Variants in ACOXL observed in about 807,000 individuals in gnomAD.
The protein encoded by ACOXL is acyl-CoA oxidase like.
Under a neutral mutation model 71.9 loss-of-function variants are expected in ACOXL, and 70 were observed. That is an observed-to-expected ratio of 0.97 (90% CI 0.80 to 1.19). The LOEUF (loss-of-function observed/expected upper bound fraction) is 1.19. ACOXL is among the 50% of genes most tolerant of loss of function. ACOXL has a pLI of 0.00. For missense variants in ACOXL, 703 were observed against 736.3 expected (o/e 0.95, Z 0.52); for synonymous variants, 253 against 281.6 (o/e 0.90, Z 1.02).
intron 12 of ACOXL, among the ~76,000 whole-genome samples, chr2:110,941,674 G>T (rs915981538): frequency 6.6e-6 from 1 of 152,056 alleles, no homozygotes; most frequent in African/African-American, 2.4e-5. Context: ...CATCTTTAAA[G>T]TACTAAAAGG....
intron 14 of ACOXL, among the ~76,000 whole-genome samples, chr2:111,020,576 T>C (rs1165968628): frequency 2.6e-5 from 4 of 152,200 alleles, no homozygotes; most frequent in African/African-American, 7.2e-5. Context: ...GCCGTGTGTG[T>C]GTGCACATGT....
rs540598496 is a variant in ACOXL, at chr2:110,827,082, T to C, written c.754-14289T>C. On this transcript the variant is annotated intron_variant, in intron 9 of 17. Coordinates refer to ENST00000439055, the MANE Select transcript of ACOXL (RefSeq NM_001142807.4). Reference sequence around the variant, plus strand: ...TGCACAGACAACTGCATAACCACATTAAAGAAGAGAAATGAAAGAAATACA... The same window carrying C: ...TGCACAGACAACTGCATAACCACATCAAAGAAGAGAAATGAAAGAAATACA... Among the ~76,000 whole-genome samples, 5 of 152,204 alleles carry C rather than the reference T, an allele frequency of 3.3e-5. No homozygotes were observed. The South Asian group carries it at 1.0e-3, about 32-fold the overall frequency.
intron 11 of ACOXL, among the ~76,000 whole-genome samples, chr2:110,913,252 G>A (rs2059710816): frequency 6.6e-6 from 1 of 152,080 alleles, no homozygotes; most frequent in Admixed American, 6.6e-5. Flanking sequence ...CTACTCCTAG[G>A]TATATACCCC....
intron 14 of ACOXL, among the ~76,000 whole-genome samples, chr2:111,015,978 G>T (rs1164097152): frequency 6.6e-6 from 1 of 152,172 alleles, no homozygotes; most frequent in Non-Finnish European, 1.5e-5. Context: ...TGTTGCCCAG[G>T]CTGGAGTGCA....
In ACOXL at chr2:110,912,722, C is replaced by T. The variant is rs139505413; in HGVS notation, c.905+3817C>T. ...GGTTTCTTAGATAGAATACCAAAAG[C>T]ACAATTACAAAAGAAAAAAGTGTAT... On this transcript the variant is annotated intron_variant, in intron 11 of 17. Transcript: ENST00000439055. 2.6e-3 allele frequency among the ~76,000 whole-genome samples: 395 copies of T among 152,006 alleles called. 1 individual carries two copies. Among genetic ancestry groups the T allele is most frequent in the Middle Eastern group, 6.8e-3 (2 of 294 alleles).
At chr2:110,949,980 C>T (rs566243017) in intron 12 of ACOXL, among the ~76,000 whole-genome samples, 1 of 152,176 alleles carries the variant, frequency 6.6e-6, no homozygotes, top group African/African-American at 2.4e-5. Context: ...TACACTTAAC[C>T]CTCATTTAAC....
intron 13 of ACOXL, among the ~76,000 whole-genome samples, chr2:110,991,693 CT>C (rs1189754346): frequency 1.3e-5 from 2 of 151,384 alleles, no homozygotes; most frequent in African/African-American, 4.9e-5. Context: ...TTTTTTTTTC[CT>C]TTTTTTATTG....
chr2:111,117,569 G>A, intron 17 of ACOXL, 47 bp from the exon 18 acceptor site: 1 of 1,543,314 alleles, frequency 6.5e-7, no homozygotes, highest in Admixed American at 2.0e-5. Flanking sequence ...CTAGATGGCT[G>A]TAAGTGTGCC....
chr2:111,118,512 G>A lies in ACOXL; in HGVS notation c.*696G>A, dbSNP rs2070498669. On this transcript the variant is annotated 3_prime_UTR_variant, in exon 18 of 18. Coordinates refer to ENST00000439055, the MANE Select transcript of ACOXL (RefSeq NM_001142807.4). ...GTAGTCTGTCCTTTAGAAGAGAATA[G>A]GTGAAAAGTTTAATAAAGAAATTAA... Among the ~76,000 whole-genome samples the A allele has an allele frequency of 6.6e-6, 1 of 152,198 alleles. No individual in the cohort carries two copies. Among genetic ancestry groups the A allele is most frequent in the Non-Finnish European group, 1.5e-5 (1 of 68,036 alleles).
chr2:111,083,557 T>A (rs2068040669), intron 16 of ACOXL, among the ~76,000 whole-genome samples: 1 of 150,374 alleles, frequency 6.7e-6, no homozygotes, highest in African/African-American at 2.4e-5. Context: ...GAGTCCAGGG[T>A]TTTTTTGTTT....
intron 14 of ACOXL, among the ~76,000 whole-genome samples, chr2:110,999,048 T>C (rs925355751): frequency 2.0e-5 from 3 of 152,248 alleles, no homozygotes; most frequent in African/African-American, 7.2e-5. Context: ...TATTAGTTAG[T>C]TGGGGCTGCC....
chr2:111,090,341 G>A (rs1262747278), intron 16 of ACOXL, among the ~76,000 whole-genome samples: 2 of 152,122 alleles, frequency 1.3e-5, no homozygotes, highest in Non-Finnish European at 2.9e-5. Context: ...AACACACTGA[G>A]CTCCCATCTC....
At chr2:110,882,152 T>G (rs1254086424) in intron 10 of ACOXL, among the ~76,000 whole-genome samples, 3 of 152,198 alleles carry the variant, frequency 2.0e-5, no homozygotes, top group African/African-American at 7.2e-5. Context: ...TCTTTTCAAT[T>G]TGAGTGATTC....
chr2:110,840,979 TCCTAATGCCAA>T (rs1691103515), intron 9 of ACOXL, among the ~76,000 whole-genome samples: 1 of 152,116 alleles, frequency 6.6e-6, no homozygotes, highest in Admixed American at 6.5e-5. Context: ...GGGCGTGTTC[TCCTAATGCCAA>T]CCTTGGAATC....
At position 110,755,831 on chromosome 2, in the gene ACOXL, A is replaced by C. The variant is rs571303044; in HGVS notation, c.-22-12537A>C. Among the ~76,000 whole-genome samples, 69 of 152,300 alleles carry C rather than the reference A, an allele frequency of 4.5e-4. 1 individual carries two copies. The highest frequency in any genetic ancestry group is 8.4e-4 in the Non-Finnish European group (57 of 68,018). ...AAAAATAGAGTACTGTTTCCCATCT[A>C]CTGAATTTTCCCACCTCCACCCCAC... On this transcript the variant is annotated intron_variant, in intron 1 of 17. Coordinates refer to ENST00000439055, the MANE Select transcript of ACOXL (RefSeq NM_001142807.4).
intron 9 of ACOXL, among the ~76,000 whole-genome samples, chr2:110,806,821 T>C (rs947897115): frequency 6.6e-6 from 1 of 152,118 alleles, no homozygotes; most frequent in Admixed American, 6.5e-5. Flanking sequence ...GTGAAGGACG[T>C]CCATGCCGCC....
At chr2:110,739,870 C>T (rs72828857) in intron 1 of ACOXL, among the ~76,000 whole-genome samples, 6,570 of 152,266 alleles carry the variant, frequency 0.043, 213 homozygotes, top group African/African-American at 0.074. Flanking sequence ...TGCTATCCCT[C>T]GTGGAATGTC....
intron 12 of ACOXL, among the ~76,000 whole-genome samples, chr2:110,978,671 A>G (rs2062566887): frequency 6.6e-6 from 1 of 152,240 alleles, no homozygotes; most frequent in Non-Finnish European, 1.5e-5. Flanking sequence ...AGCTATAAAC[A>G]TAAGGTGTTT....
At chr2:110,770,897 C>T (rs756396813) in intron 2 of ACOXL, among the ~76,000 whole-genome samples, 1 of 152,202 alleles carries the variant, frequency 6.6e-6, no homozygotes, top group Non-Finnish European at 1.5e-5. Flanking sequence ...AATTGCAGCC[C>T]GACCCGCTGA....
Sources: allele counts gnomAD v4.1 joint callset (sites outside exome capture counted in the v4.1 genomes callset), GRCh38; gene constraint gnomAD v4.1.1; transcripts MANE v1.5; gene names NCBI Gene and HGNC (gene_info 2026-07-23, HGNC 2026-07-21).